RSPO4: variants seen among roughly 807,000 people sequenced by gnomAD.
The protein encoded by RSPO4 is R-spondin-4.
Under a neutral mutation model 24.8 loss-of-function variants are expected in RSPO4, and 23 were observed. The observed-to-expected ratio is 0.93, with a 90% CI of 0.67 to 1.31. The LOEUF (loss-of-function observed/expected upper bound fraction) is 1.31. Ranked by LOEUF, RSPO4 falls within the 40% of genes most tolerant of loss-of-function variation. The probability of loss-of-function intolerance (pLI) is 0.00; values close to 1 mark genes in which losing one functional copy is unlikely to be tolerated. For synonymous variants in RSPO4, 141 were observed against 127.4 expected (o/e 1.11, Z -0.72); for missense variants, 333 against 316.5 (o/e 1.05, Z -0.39).
intron 1 of RSPO4, among the ~76,000 whole-genome samples, chr20:989,289 A>G (rs1985018826): frequency 6.6e-6 from 1 of 152,126 alleles, no homozygotes; most frequent in African/African-American, 2.4e-5. Flanking sequence ...CAGCTCTGCC[A>G]CCTTGACCCT....
At chr20:973,892 A>T (rs1405627350) in intron 1 of RSPO4, among the ~76,000 whole-genome samples, 1 of 152,162 alleles carries the variant, frequency 6.6e-6, no homozygotes, top group Non-Finnish European at 1.5e-5. Flanking sequence ...GCAGTTGGCT[A>T]GGATGCCCTC....
Position 981,992 on chromosome 20 carries a change from T to C in RSPO4, c.80-13854A>G, listed in dbSNP as rs1344902782. On this transcript the variant is annotated intron_variant, in intron 1 of 4. Transcript: ENST00000217260. This position sits in a 1 kb window ranked among gnomAD's most constrained non-coding sequence, Gnocchi z 4.6. Reference sequence around the variant, plus strand: ...CCATTAGCTACTCATTAAGAGAAGTTACATTTGTGTTTCTGGTGGGAGCCC... The same window carrying C: ...CCATTAGCTACTCATTAAGAGAAGTCACATTTGTGTTTCTGGTGGGAGCCC... 6.6e-6 allele frequency among the ~76,000 whole-genome samples: 1 copy of C among 152,200 alleles called. No individual in the cohort carries two copies. Among genetic ancestry groups the C allele is most frequent in the Non-Finnish European group, 1.5e-5 (1 of 68,028 alleles).
intron 1 of RSPO4, among the ~76,000 whole-genome samples, chr20:977,520 C>T (rs998944172): frequency 6.6e-6 from 1 of 152,134 alleles, no homozygotes; most frequent in African/African-American, 2.4e-5. Flanking sequence ...ACTGTTACTA[C>T]CATTATTATC....
chr20:964,047 C>T lies in RSPO4; in HGVS notation c.483G>A (p.Trp161Ter). 1 of 1,613,706 alleles carries T rather than the reference C, an allele frequency of 6.2e-7. No homozygotes were observed. Among genetic ancestry groups the T allele is most frequent in the Non-Finnish European group, 8.5e-7 (1 of 1,180,026 alleles). ...CCTCTCGTACCCGGCTCTCCAGGCC[C>T]CAAGCCGAGCCGCAGGTCTTTCCAT... is the stretch of plus-strand genomic sequence containing the variant. ...THNGKTCGSAWGLESRVREAG... is the reference protein window; with the variant it reads ...THNGKTCGSA Residue 161 changes from tryptophan to a stop codon, truncating the protein, a stop_gained, in exon 4 of 5, where the codon TGG becomes TGA. Transcript: ENST00000217260. LOFTEE classifies it high-confidence loss of function.
rs1983888309 is a variant in RSPO4 at position 959,069 on chromosome 20, TGGTGGGTGTGGGCGAGTGTGG to T, written c.*1267_*1287del. On this transcript the variant is annotated 3_prime_UTR_variant, in exon 5 of 5. Coordinates refer to ENST00000217260, the MANE Select transcript of RSPO4 (RefSeq NM_001029871.4). ...GAAGCACAGATGCTCAAGTCACTGGTGGTGGGTGTGGGCGAGTGTGGTGGTGGGTGTGGGGGAGTGTGGTGG... is the reference window on the plus strand; with the variant it reads ...GAAGCACAGATGCTCAAGTCACTGGTTGGTGGGTGTGGGGGAGTGTGGTGG... 8.2e-6 allele frequency: 1 copy of T among 121,280 alleles called. No individual in the cohort carries two copies. Among genetic ancestry groups the T allele is most frequent in the Non-Finnish European group, 1.7e-5 (1 of 59,788 alleles). The allele number at this position is 121,280 out of a possible 1,614,324, so 7.5% of individuals were successfully genotyped here.
intron 1 of RSPO4, among the ~76,000 whole-genome samples, chr20:979,570 G>A (rs1984674757): frequency 6.6e-6 from 1 of 151,798 alleles, no homozygotes; most frequent in Non-Finnish European, 1.5e-5. Context: ...TCAGTCACCT[G>A]TGCACTCCTC....
intron 1 of RSPO4, among the ~76,000 whole-genome samples, chr20:993,395 C>T (rs182660451): frequency 9.8e-5 from 15 of 152,298 alleles, no homozygotes; most frequent in South Asian, 8.3e-4. Flanking sequence ...GAAGAATCTC[C>T]GAGGGCGGGG....
In RSPO4 at chr20:960,251, A is replaced by T; in HGVS notation, c.*106T>A. ...AGAAGGGTGGAAAGAAAGAGAGGACAAATGGAGAAGACAGAGGAGAAAGAG... is the reference window on the plus strand; with the variant it reads ...AGAAGGGTGGAAAGAAAGAGAGGACTAATGGAGAAGACAGAGGAGAAAGAG... On this transcript the variant is annotated 3_prime_UTR_variant, in exon 5 of 5. Coordinates refer to ENST00000217260, the MANE Select transcript of RSPO4 (RefSeq NM_001029871.4). 8 of 725,280 alleles carry T rather than the reference A, an allele frequency of 1.1e-5. No homozygotes were observed. The South Asian group carries it at 1.2e-4, about 11-fold the overall frequency. 44.9% of individuals were successfully genotyped at this position (725,280 alleles called of 1,614,324 possible). A position where few individuals can be genotyped will look rare whatever the true frequency, so the allele number is the denominator to read the frequency against.
chr20:986,723 T>C (rs1228924173), intron 1 of RSPO4, among the ~76,000 whole-genome samples: 1 of 151,348 alleles, frequency 6.6e-6, no homozygotes, highest in Non-Finnish European at 1.5e-5. Flanking sequence ...GTATCATCAT[T>C]AAGCCAGTTA....
At chr20:982,473 C>T (rs1231226562) in intron 1 of RSPO4, among the ~76,000 whole-genome samples, 2 of 152,178 alleles carry the variant, frequency 1.3e-5, no homozygotes, top group Admixed American at 6.5e-5. Flanking sequence ...GTATGAGGGA[C>T]AGGTTTGCTG....
At chr20:990,570 C>T (rs866590400) in intron 1 of RSPO4, among the ~76,000 whole-genome samples, 2 of 145,100 alleles carry the variant, frequency 1.4e-5, no homozygotes, top group African/African-American at 2.9e-5. Context: ...CAGTCTCTCT[C>T]TCTCTTTCCC....
intron 1 of RSPO4, among the ~76,000 whole-genome samples, chr20:977,421 T>A (rs1257305523): frequency 6.6e-6 from 1 of 152,186 alleles, no homozygotes; most frequent in Non-Finnish European, 1.5e-5. Flanking sequence ...AGTTTTCTCA[T>A]CTGTAAAACA....
At chr20:975,012 G>C (rs550973012) in intron 1 of RSPO4, among the ~76,000 whole-genome samples, 9 of 152,286 alleles carry the variant, frequency 5.9e-5, no homozygotes, top group African/African-American at 2.2e-4. Flanking sequence ...AAAAATTTCT[G>C]ACTGCCTCCC....
At chr20:989,437 A>T (rs1985024181) in intron 1 of RSPO4, among the ~76,000 whole-genome samples, 1 of 152,238 alleles carries the variant, frequency 6.6e-6, no homozygotes, top group African/African-American at 2.4e-5. Context: ...CATATGGCAA[A>T]CACTCACCAG....
At chr20:962,406 T>A (rs979153854) in intron 4 of RSPO4, among the ~76,000 whole-genome samples, 1 of 152,190 alleles carries the variant, frequency 6.6e-6, no homozygotes, top group African/African-American at 2.4e-5. Flanking sequence ...AGATGCTTTA[T>A]GAATGTTTGC....
intron 1 of RSPO4, among the ~76,000 whole-genome samples, chr20:985,237 CCATCCACT>C (rs1488510539): frequency 6.0e-4 from 86 of 142,730 alleles, no homozygotes; most frequent in East Asian, 1.1e-3. Context: ...ACCCATATAT[CCATCCACT>C]CACCCACCCA....
intron 3 of RSPO4, among the ~76,000 whole-genome samples, chr20:964,955 A>G (rs1984147977): frequency 1.3e-5 from 2 of 152,018 alleles, no homozygotes. Context: ...GAGGTTTGCT[A>G]AGGGAACGCA....
chr20:966,856 A>G (rs1984217805), intron 3 of RSPO4, among the ~76,000 whole-genome samples: 1 of 150,680 alleles, frequency 6.6e-6, no homozygotes, highest in Non-Finnish European at 1.5e-5. Context: ...CCTATCTCAA[A>G]CAAAACAAGC....
intron 3 of RSPO4, among the ~76,000 whole-genome samples, 179 bp downstream of exon 3, chr20:966,995 C>G (rs1245967488): frequency 1.3e-5 from 2 of 152,222 alleles, no homozygotes; most frequent in Non-Finnish European, 2.9e-5. Flanking sequence ...TATGTTGGCT[C>G]TAGTGTTTTG....
Sources: gnomAD v4.1 joint callset for allele counts (sites outside exome capture counted in the v4.1 genomes callset) on GRCh38, gnomAD v4.1.1 for gene constraint, Gnocchi (gnomAD v3.1) non-coding constraint, MANE v1.5 for transcripts, NCBI Gene and HGNC (gene_info 2026-07-23, HGNC 2026-07-21) for gene names.